The following SHTN1 variants were observed in gnomAD, a reference collection of about 807,000 sequenced individuals.
The protein encoded by SHTN1 is shootin 1.
Under a neutral mutation model 83.1 loss-of-function variants are expected in SHTN1, and 42 were observed. The observed-to-expected ratio is 0.51, with a 90% confidence interval of 0.39 to 0.65. The LOEUF (loss-of-function observed/expected upper bound fraction) is 0.65. SHTN1 is among the 30% of genes least tolerant of loss of function. The probability of loss-of-function intolerance (pLI) is 0.00; values close to 1 mark genes in which losing one functional copy is unlikely to be tolerated. For synonymous variants in SHTN1, 224 were observed against 247.7 expected (o/e 0.90, Z 0.90); for missense variants, 622 against 737.8 (o/e 0.84, Z 1.82).
At chr10:116,976,178 G>A (rs1465070078) in intron 2 of SHTN1, among the ~76,000 whole-genome samples, 1 of 152,184 alleles carries the variant, frequency 6.6e-6, no homozygotes, top group Non-Finnish European at 1.5e-5. Flanking sequence ...ACACTGCTGT[G>A]TAGAGCATGA....
At chr10:116,983,683 GATAAATACATACATACATAC>G (rs1851123018) in intron 1 of SHTN1, among the ~76,000 whole-genome samples, 1 of 14,750 alleles carries the variant, frequency 6.8e-5, no homozygotes, top group African/African-American at 8.9e-5. Flanking sequence ...TAGATAGATA[GATAAATACATACATACATAC>G]ATACATACAT....
chr10:116,888,663 G>A (rs898631307), intron 16 of SHTN1, among the ~76,000 whole-genome samples: 1 of 152,214 alleles, frequency 6.6e-6, no homozygotes, highest in Non-Finnish European at 1.5e-5. Flanking sequence ...AAAGCTGGAG[G>A]AGGAGATGTG....
At chr10:117,007,809 G>A (rs1277037984), upstream of SHTN1, among the ~76,000 whole-genome samples, 1 of 151,830 alleles carries the variant, frequency 6.6e-6, no homozygotes, top group Non-Finnish European at 1.5e-5. Flanking sequence ...TCAGGAGATT[G>A]AGACCATCCT....
intron 11 of SHTN1, among the ~76,000 whole-genome samples, chr10:116,924,770 T>G (rs999515377): frequency 7.4e-4 from 83 of 112,668 alleles, no homozygotes; most frequent in African/African-American, 3.0e-3. Context: ...TTTTTTTTTT[T>G]TTTTTGAGAT....
At chr10:116,938,367 T>C (rs866700128) in intron 9 of SHTN1, among the ~76,000 whole-genome samples, 2 of 152,186 alleles carry the variant, frequency 1.3e-5, no homozygotes, top group African/African-American at 4.8e-5. Flanking sequence ...TGTCCTTTTG[T>C]TGATGTTGAT....
At chr10:117,090,321 A>G (rs1237379622) in intron 1 of SHTN1, among the ~76,000 whole-genome samples, 1 of 152,208 alleles carries the variant, frequency 6.6e-6, no homozygotes, top group Non-Finnish European at 1.5e-5. Flanking sequence ...AAGGACAGAT[A>G]CTGATATCCC....
At chr10:117,061,928 G>C (rs945393471) in intron 1 of SHTN1, among the ~76,000 whole-genome samples, 3 of 152,162 alleles carry the variant, frequency 2.0e-5, no homozygotes, top group African/African-American at 7.2e-5. Context: ...TTTCTGAATT[G>C]AAATGTAGGT....
At chr10:116,960,577 TAA>T (rs1025367453) in intron 3 of SHTN1, among the ~76,000 whole-genome samples, 5 of 152,170 alleles carry the variant, frequency 3.3e-5, no homozygotes, top group African/African-American at 1.2e-4. Context: ...ATTTCATAAA[TAA>T]AGAGGAGTGA....
Position 117,099,930 on chromosome 10 carries a change from C to A in SHTN1, c.-189+26377G>T, listed in dbSNP as rs373147348. 1.2e-3 allele frequency among the ~76,000 whole-genome samples: 181 copies of A among 152,042 alleles called. No homozygotes were observed. The South Asian group carries it at 0.019, about 16-fold the overall frequency. ...TGGTGGCTCACACCTGTAATCCCAG[C>A]ATTTTGGGAGGCCGAGGTGGGTGGA... On this transcript the variant is annotated intron_variant, in intron 1 of 17. Coordinates refer to the SHTN1 transcript ENST00000392901.
At chr10:116,909,510 A>G (rs1401314151) in intron 14 of SHTN1, among the ~76,000 whole-genome samples, 1 of 152,130 alleles carries the variant, frequency 6.6e-6, no homozygotes, top group Non-Finnish European at 1.5e-5. Flanking sequence ...TTTCTAAGTG[A>G]CTGAGGTGAC....
intron 4 of SHTN1, among the ~76,000 whole-genome samples, chr10:116,959,060 A>C (rs967294445): frequency 1.3e-5 from 2 of 152,214 alleles, no homozygotes; most frequent in African/African-American, 4.8e-5. Flanking sequence ...CTTTTTCTCT[A>C]CTTATTCCAA....
At chr10:117,017,661 AC>A (rs1413623898) in intron 2 of SHTN1, among the ~76,000 whole-genome samples, 4 of 152,120 alleles carry the variant, frequency 2.6e-5, no homozygotes. Flanking sequence ...ATGTAAATAT[AC>A]CCCCGCAGGG....
intron 2 of SHTN1, among the ~76,000 whole-genome samples, chr10:117,011,345 A>G (rs1171825283): frequency 6.6e-6 from 1 of 152,226 alleles, no homozygotes; most frequent in African/African-American, 2.4e-5. Context: ...ACCACTTGTT[A>G]AATGGCTGTC....
chr10:116,898,647 A>T (rs1314100608), intron 16 of SHTN1, among the ~76,000 whole-genome samples: 4 of 152,210 alleles, frequency 2.6e-5, no homozygotes, highest in Non-Finnish European at 5.9e-5. Context: ...AATTAACAGG[A>T]CACATTTTGT....
intron 16 of SHTN1, among the ~76,000 whole-genome samples, chr10:116,895,346 G>A (rs1235592930): frequency 6.6e-6 from 1 of 152,126 alleles, no homozygotes; most frequent in Admixed American, 6.5e-5. Context: ...ATTCTGACAG[G>A]CTAATTTCTA....
intron 1 of SHTN1, among the ~76,000 whole-genome samples, chr10:117,061,525 A>G (rs1358322928): frequency 6.8e-6 from 1 of 147,106 alleles, no homozygotes; most frequent in Non-Finnish European, 1.5e-5. Flanking sequence ...GCTAGAGTGC[A>G]ATGGCATGAT....
intron 15 of SHTN1, among the ~76,000 whole-genome samples, chr10:116,903,825 C>A (rs1287888646): frequency 6.6e-6 from 1 of 152,098 alleles, no homozygotes; most frequent in African/African-American, 2.4e-5. Context: ...AGCTACAGCT[C>A]TTATATTTTT....
chr10:116,954,053 T>A lies in SHTN1; in HGVS notation c.425A>T (p.Lys142Met). 1 of 1,606,816 alleles carries A rather than the reference T, an allele frequency of 6.2e-7. No individual in the cohort carries two copies. Among genetic ancestry groups the A allele is most frequent in the East Asian group, 2.2e-5 (1 of 44,762 alleles). Residue 142 changes from lysine to methionine, a missense_variant, in exon 5 of 17, where the codon AAG (lysine) becomes ATG (methionine). By Grantham distance (95) the Lys-to-Met change is moderately conservative. Around this residue, in one of 3 missense-constraint regions of SHTN1, gnomAD observed 383 missense variants for 455.8 expected, o/e 0.84. Transcript: ENST00000355371. The part of the protein sequence containing the change: ...AETCVSVQCQ[K>M]QIKELRDQIV... Reference sequence around the variant, plus strand: ...GCAAAGAGTTCTACCTTTAATTTGCTTCTGACACTGTACTGAGACACAAGT... The same window carrying A: ...GCAAAGAGTTCTACCTTTAATTTGCATCTGACACTGTACTGAGACACAAGT...
intron 16 of SHTN1, among the ~76,000 whole-genome samples, chr10:116,894,029 T>TCA (rs1183372200): frequency 1.3e-5 from 2 of 151,966 alleles, no homozygotes; most frequent in African/African-American, 4.8e-5. Flanking sequence ...CAGTTAGAGG[T>TCA]CAAACAATGA....
Sources: allele counts gnomAD v4.1 joint callset (sites outside exome capture counted in the v4.1 genomes callset), GRCh38; gene constraint gnomAD v4.1.1; regional missense constraint gnomAD v4.1.1; transcripts MANE v1.5; gene names NCBI Gene and HGNC (gene_info 2026-07-23, HGNC 2026-07-21).